The following ADCY5 variants were observed in gnomAD, a reference collection of about 807,000 sequenced individuals.
ADCY5 encodes adenylate cyclase type 5.
ADCY5 carries 30 observed loss-of-function variants against 119.7 expected under a neutral mutation model. The ratio of observed to expected loss-of-function variants is 0.25; its 90% CI spans 0.19 to 0.34. The LOEUF (loss-of-function observed/expected upper bound fraction) is 0.34, where lower values mean the gene tolerates loss of function less well. Among genes scored for constraint, ADCY5 ranks in the 10% least tolerant of loss-of-function variants. ADCY5 has a pLI of 1.00. For synonymous variants in ADCY5, 753 were observed against 762.2 expected (o/e 0.99, Z 0.20); for missense variants, 1,324 against 1,775.2 (o/e 0.75, Z 4.57).
chr3:123,362,714 C>A (rs1045240852), intron 1 of ADCY5, among the ~76,000 whole-genome samples: 1 of 152,300 alleles, frequency 6.6e-6, no homozygotes, highest in South Asian at 2.1e-4. Context: ...AGGACATAAA[C>A]TCTGCAGGCT....
At chr3:123,393,753 G>T (rs1944464043) in intron 1 of ADCY5, among the ~76,000 whole-genome samples, 2 of 152,016 alleles carry the variant, frequency 1.3e-5, no homozygotes, top group East Asian at 1.9e-4. Flanking sequence ...CTGCCTCCCT[G>T]ACATCCCTGG....
In ADCY5 at chr3:123,352,076, A is replaced by G. The variant is rs1308111561; in HGVS notation, c.1284+356T>C. Among the ~76,000 whole-genome samples, 1 of 152,038 alleles carries G rather than the reference A, an allele frequency of 6.6e-6. No individual in the cohort carries two copies. Among genetic ancestry groups the G allele is most frequent in the East Asian group, 1.9e-4 (1 of 5,176 alleles). On this transcript the variant is annotated intron_variant, in intron 2 of 20. Transcript: ENST00000462833. The surrounding 1 kb of genome is among the most constrained non-coding windows in gnomAD (Gnocchi z 4.8). ...GAATGCTGGCTTCTCTCCTTACTCC[A>G]ACTCAAGGCGGGGTGCAGTGCGGGG... is the stretch of plus-strand genomic sequence containing the variant.
intron 1 of ADCY5, among the ~76,000 whole-genome samples, chr3:123,372,398 G>A (rs1414848116): frequency 6.6e-6 from 1 of 152,152 alleles, no homozygotes; most frequent in East Asian, 1.9e-4. Flanking sequence ...CAGGCTATCA[G>A]CCCACGCATG....
At chr3:123,422,916 G>A (rs189323015) in intron 1 of ADCY5, among the ~76,000 whole-genome samples, 3 of 152,334 alleles carry the variant, frequency 2.0e-5, no homozygotes, top group East Asian at 3.9e-4. Context: ...CGATAGGAGC[G>A]AGGAATTTTG....
chr3:123,435,973 C>T (rs1945607120), intron 1 of ADCY5, among the ~76,000 whole-genome samples: 1 of 150,324 alleles, frequency 6.7e-6, no homozygotes, highest in Non-Finnish European at 1.5e-5. Context: ...TCACTGCAAC[C>T]TCTGCCTCCC....
intron 1 of ADCY5, chr3:123,404,282 ACT>A (rs1230979709): frequency 2.6e-5 from 4 of 152,174 alleles, no homozygotes; most frequent in African/African-American, 9.7e-5. Flanking sequence ...AGAACATAAG[ACT>A]CAAAAAAGAG....
At chr3:123,419,318 C>A (rs1020370670) in intron 1 of ADCY5, 7 of 490,268 alleles carry the variant, frequency 1.4e-5, no homozygotes, top group Non-Finnish European at 1.9e-5. Context: ...AGCACTATTC[C>A]ATCACTCTGG....
At position 123,314,140 on chromosome 3, in the gene ADCY5, C is replaced by A. The variant is rs553395219; in HGVS notation, c.2442+95G>T. The stretch of plus-strand genomic sequence containing the variant: ...TCCCACCCCTGCCAAGCACAATACT[C>A]GGGCCCCTTCACATTTTGGGCCCCT... On this transcript the variant is annotated intron_variant, in intron 12 of 20. Coordinates refer to ENST00000462833, the MANE Select transcript of ADCY5 (RefSeq NM_183357.3). The A allele has an allele frequency of 3.4e-4, 326 of 945,620 alleles. No individual in the cohort carries two copies. In the African/African-American group the frequency reaches 5.0e-3, roughly 15 times the overall value. 58.6% of individuals were successfully genotyped at this position (945,620 alleles called of 1,614,324 possible).
chr3:123,401,050 G>C (rs1175358041), intron 1 of ADCY5, among the ~76,000 whole-genome samples: 1 of 12,818 alleles, frequency 7.8e-5, no homozygotes, highest in Non-Finnish European at 3.9e-4. Flanking sequence ...ACTCCTGTGG[G>C]GACACACATG....
intron 1 of ADCY5, among the ~76,000 whole-genome samples, chr3:123,356,551 T>C (rs958764220): frequency 1.3e-5 from 2 of 152,072 alleles, no homozygotes; most frequent in Non-Finnish European, 2.9e-5. Context: ...CCTCACAAAA[T>C]ATACAAAATT....
chr3:123,286,937 G>C lies in ADCY5; in HGVS notation c.3533-128C>G. On this transcript the variant is annotated intron_variant, in intron 19 of 20. Transcript: ENST00000462833. The surrounding 1 kb of genome is among the most constrained non-coding windows in gnomAD (Gnocchi z 4.2). ...ACACCCGTGGGCTTCCAGGCCCAAG[G>C]CTGTGCTAAACCCTGCAGCCTCCCG... The C allele has an allele frequency of 7.4e-7, 1 of 1,349,580 alleles. No homozygotes were observed. The allele number at this position is 1,349,580 out of a possible 1,614,324, so 83.6% of individuals were successfully genotyped here.
intron 1 of ADCY5, among the ~76,000 whole-genome samples, chr3:123,381,751 G>C (rs1296676370): frequency 6.6e-6 from 1 of 152,210 alleles, no homozygotes; most frequent in African/African-American, 2.4e-5. Context: ...GCCACTGCCA[G>C]CACTAGATCC....
intron 1 of ADCY5, among the ~76,000 whole-genome samples, chr3:123,374,825 G>C (rs1943761163): frequency 6.6e-6 from 1 of 152,164 alleles, no homozygotes; most frequent in South Asian, 2.1e-4. Context: ...GCAAGATTTG[G>C]GACTGACCCA....
chr3:123,383,280 T>A (rs990435499), intron 1 of ADCY5, among the ~76,000 whole-genome samples: 3 of 152,112 alleles, frequency 2.0e-5, no homozygotes, highest in African/African-American at 7.2e-5. Context: ...AGCCATAGTG[T>A]GTGTCAGAAA....
chr3:123,300,639 T>C (rs1013820735), intron 14 of ADCY5, among the ~76,000 whole-genome samples: 1 of 152,176 alleles, frequency 6.6e-6, no homozygotes, highest in African/African-American at 2.4e-5. Context: ...TCTGCAAGGC[T>C]TCCTATCTCA....
At chr3:123,371,946 T>C (rs1943657939) in intron 1 of ADCY5, among the ~76,000 whole-genome samples, 1 of 152,184 alleles carries the variant, frequency 6.6e-6, no homozygotes, top group Non-Finnish European at 1.5e-5. Flanking sequence ...GCGAAGTCCC[T>C]GGGGTCTGCA....
At chr3:123,420,864 TC>T (rs1310485388) in intron 1 of ADCY5, among the ~76,000 whole-genome samples, 1 of 152,164 alleles carries the variant, frequency 6.6e-6, no homozygotes, top group Non-Finnish European at 1.5e-5. Flanking sequence ...GAGGGCTGTT[TC>T]CCCAGAAGGA....
chr3:123,322,120 C>G (rs1035967897), intron 8 of ADCY5, among the ~76,000 whole-genome samples: 7 of 152,242 alleles, frequency 4.6e-5, no homozygotes, highest in Non-Finnish European at 4.4e-5. Flanking sequence ...GTGCCTGATG[C>G]TCCCAGGATC....
intron 17 of ADCY5, 97 bp from the exon 18 acceptor site, chr3:123,291,473 A>C: frequency 6.8e-7 from 1 of 1,466,500 alleles, no homozygotes; most frequent in Non-Finnish European, 9.2e-7. Context: ...AAAAAGCACC[A>C]GTCACGCAAA....
Sources: allele counts gnomAD v4.1 joint callset (sites outside exome capture counted in the v4.1 genomes callset), GRCh38; gene constraint gnomAD v4.1.1; non-coding constraint Gnocchi (gnomAD v3.1); transcripts MANE v1.5; gene names NCBI Gene and HGNC (gene_info 2026-07-23, HGNC 2026-07-21).